KCND2: variants seen among roughly 807,000 people sequenced by gnomAD.
The protein encoded by KCND2 is potassium voltage-gated channel subfamily D member 2, also known as A-type voltage-gated potassium channel KCND2.
KCND2 carries 16 observed loss-of-function variants against 54.4 expected under a neutral mutation model. That is an observed-to-expected ratio of 0.29 (90% CI 0.20 to 0.45). The LOEUF (loss-of-function observed/expected upper bound fraction) is 0.45, where lower values mean the gene tolerates loss of function less well. Ranked by LOEUF, KCND2 falls within the 20% of genes least tolerant of loss-of-function variation. The pLI is 1.00. For missense variants in KCND2, 486 were observed against 824.2 expected, an observed-to-expected ratio of 0.59 and a Z score of 5.02; for synonymous variants, 317 against 310.7, an observed-to-expected ratio of 1.02 and a Z score of -0.21.
chr7:120,316,374 G>A (rs1799812334), intron 1 of KCND2, among the ~76,000 whole-genome samples: 1 of 152,166 alleles, frequency 6.6e-6, no homozygotes, highest in African/African-American at 2.4e-5. Context: ...GCTTCTGTAA[G>A]CTCAATTATT....
chr7:120,522,963 C>T (rs1399834214), intron 1 of KCND2, among the ~76,000 whole-genome samples: 2 of 152,104 alleles, frequency 1.3e-5, no homozygotes, highest in East Asian at 3.9e-4. Context: ...TTCCTATTCT[C>T]AATTTGTAGT....
chr7:120,595,238 G>A (rs1163308589), intron 1 of KCND2, among the ~76,000 whole-genome samples: 4 of 148,908 alleles, frequency 2.7e-5, no homozygotes, highest in Non-Finnish European at 6.0e-5. Context: ...AATCACTTGA[G>A]GTCAGGAGTT....
At chr7:120,307,910 G>A (rs776957413) in intron 1 of KCND2, among the ~76,000 whole-genome samples, 2 of 151,994 alleles carry the variant, frequency 1.3e-5, no homozygotes, top group Non-Finnish European at 2.9e-5. Flanking sequence ...TTGTGAAGTC[G>A]TAAATAATAT....
intron 1 of KCND2, among the ~76,000 whole-genome samples, chr7:120,560,579 G>A (rs1009877719): frequency 8.5e-5 from 13 of 152,144 alleles, no homozygotes; most frequent in Non-Finnish European, 1.3e-4. Flanking sequence ...GAAAGGTTTC[G>A]TGTTTGAAAC....
chr7:120,300,885 G>A (rs1338169808), intron 1 of KCND2, among the ~76,000 whole-genome samples: 1 of 151,962 alleles, frequency 6.6e-6, no homozygotes, highest in East Asian at 1.9e-4. Context: ...GAACTTTTAG[G>A]TCAAGAAATT....
At chr7:120,485,255 A>C (rs1315770967) in intron 1 of KCND2, among the ~76,000 whole-genome samples, 1 of 152,154 alleles carries the variant, frequency 6.6e-6, no homozygotes, top group Non-Finnish European at 1.5e-5. Context: ...GTATGATATT[A>C]ATGGTGAAAT....
chr7:120,647,408 C>A (rs996284507), intron 1 of KCND2, among the ~76,000 whole-genome samples: 5 of 152,164 alleles, frequency 3.3e-5, no homozygotes, highest in African/African-American at 1.2e-4. Context: ...CCATTAACCT[C>A]ATGTCATTAT....
rs944403123 is a variant in KCND2 at position 120,394,608 on chromosome 7, C to T, written c.1115+118861C>T. ...TTACAAAGCAGTTTCAGCTCCAGAA[C>T]AAGGAGGAAATCAGTTTTAGGGAGG... On this transcript the variant is annotated intron_variant, in intron 1 of 5. Coordinates refer to ENST00000331113, the MANE Select transcript of KCND2 (RefSeq NM_012281.3). Among the ~76,000 whole-genome samples the T allele has an allele frequency of 2.6e-5, 4 of 151,924 alleles. No homozygotes were observed. In the South Asian group the frequency reaches 8.3e-4, roughly 31 times the overall value.
chr7:120,330,818 T>A (rs1800057152), intron 1 of KCND2, among the ~76,000 whole-genome samples: 1 of 152,094 alleles, frequency 6.6e-6, no homozygotes, highest in Non-Finnish European at 1.5e-5. Context: ...ATTTTATTAT[T>A]TTTTAATGCC....
chr7:120,626,361 A>G (rs183751141), intron 1 of KCND2, among the ~76,000 whole-genome samples: 1 of 152,330 alleles, frequency 6.6e-6, no homozygotes, highest in Admixed American at 6.5e-5. Flanking sequence ...CTTTAGATGT[A>G]GCAATGATTC....
At chr7:120,404,970 C>T (rs1364726927) in intron 1 of KCND2, among the ~76,000 whole-genome samples, 1 of 152,144 alleles carries the variant, frequency 6.6e-6, no homozygotes, top group Non-Finnish European at 1.5e-5. Context: ...TCCAAAGTTA[C>T]ATTTGACTCT....
chr7:120,481,186 TTGGGTGAATTG>T (rs1802603036), intron 1 of KCND2, among the ~76,000 whole-genome samples: 1 of 152,118 alleles, frequency 6.6e-6, no homozygotes, highest in South Asian at 2.1e-4. Flanking sequence ...AGCAAAGCAC[TTGGGTGAATTG>T]TGTTCATGCC....
At chr7:120,491,477 C>T (rs568299311) in intron 1 of KCND2, among the ~76,000 whole-genome samples, 3 of 152,004 alleles carry the variant, frequency 2.0e-5, no homozygotes, top group East Asian at 1.9e-4. Flanking sequence ...CATGCATAAT[C>T]GAAAGGTAAT....
At chr7:120,712,182 G>A (rs1340482938) in intron 1 of KCND2, among the ~76,000 whole-genome samples, 1 of 132,430 alleles carries the variant, frequency 7.6e-6, no homozygotes, top group Non-Finnish European at 1.6e-5. Context: ...TATCTGAAGA[G>A]TCTATTTAAT....
chr7:120,618,966 G>A (rs1050273565), intron 1 of KCND2, among the ~76,000 whole-genome samples: 1 of 151,984 alleles, frequency 6.6e-6, no homozygotes, highest in Non-Finnish European at 1.5e-5. Context: ...GCATCACCAG[G>A]TCCGGCTATT....
chr7:120,466,813 A>G (rs1017417433), intron 1 of KCND2, among the ~76,000 whole-genome samples: 1 of 152,124 alleles, frequency 6.6e-6, no homozygotes, highest in Non-Finnish European at 1.5e-5. Flanking sequence ...GGTACACAGG[A>G]GTCCTGCATT....
Position 120,286,457 on chromosome 7 carries a change from C to G in KCND2, c.1115+10710C>G, listed in dbSNP as rs1799345770. Among the ~76,000 whole-genome samples the G allele has an allele frequency of 1.3e-5, 2 of 151,962 alleles. 1 individual carries two copies. Among genetic ancestry groups the G allele is most frequent in the South Asian group, 4.2e-4 (2 of 4,816 alleles). ...ATAGGAAAAGCCATTTTAAATTTCA[C>G]TTTGCAAAATAACATTACAAATAGG... is the stretch of plus-strand genomic sequence containing the variant. On this transcript the variant is annotated intron_variant, in intron 1 of 5. Transcript: ENST00000331113.
intron 1 of KCND2, among the ~76,000 whole-genome samples, chr7:120,618,039 C>T (rs964602871): frequency 6.6e-6 from 1 of 152,006 alleles, no homozygotes; most frequent in Non-Finnish European, 1.5e-5. Flanking sequence ...GAATGAGGGT[C>T]GAAAAGCTAC....
chr7:120,574,077 G>C (rs1229636387), intron 1 of KCND2, among the ~76,000 whole-genome samples: 2 of 152,222 alleles, frequency 1.3e-5, no homozygotes, highest in East Asian at 3.9e-4. Context: ...GGAAAAAATA[G>C]AACTAATTTG....
Sources: gnomAD v4.1 joint callset for allele counts (sites outside exome capture counted in the v4.1 genomes callset) on GRCh38, gnomAD v4.1.1 for gene constraint, MANE v1.5 for transcripts, NCBI Gene and HGNC (gene_info 2026-07-23, HGNC 2026-07-21) for gene names.